Variants in MEGF10 observed in about 807,000 individuals in gnomAD.
MEGF10 encodes the protein multiple epidermal growth factor-like domains protein 10.
MEGF10 carries 86 observed loss-of-function variants against 147.5 expected under a neutral mutation model. That is an observed-to-expected ratio of 0.58 (90% CI 0.49 to 0.70). The LOEUF is 0.70. MEGF10 is among the 30% of genes least tolerant of loss of function. MEGF10 has a pLI of 0.00. For synonymous variants in MEGF10, 478 were observed against 525.5 expected (o/e 0.91, Z 1.24); for missense variants, 1,329 against 1,487.3 (o/e 0.89, Z 1.75).
At chr5:127,370,651 T>C (rs1762812100) in intron 5 of MEGF10, among the ~76,000 whole-genome samples, 1 of 152,242 alleles carries the variant, frequency 6.6e-6, no homozygotes, top group Admixed American at 6.5e-5. Context: ...AAAAGCAGTC[T>C]ACACGTAACA....
chr5:127,360,321 G>T (rs1343049503), intron 4 of MEGF10, among the ~76,000 whole-genome samples: 1 of 151,926 alleles, frequency 6.6e-6, no homozygotes, highest in Admixed American at 6.5e-5. Context: ...TTGAGGTTTT[G>T]CGTAGTGACT....
intron 4 of MEGF10, among the ~76,000 whole-genome samples, chr5:127,364,705 T>C (rs1320107603): frequency 6.6e-6 from 1 of 152,212 alleles, no homozygotes; most frequent in Non-Finnish European, 1.5e-5. Flanking sequence ...GTGGGGAAGA[T>C]AAAGTATATC....
intron 5 of MEGF10, among the ~76,000 whole-genome samples, chr5:127,385,099 C>T (rs1437238407): frequency 6.6e-6 from 1 of 152,100 alleles, no homozygotes; most frequent in Non-Finnish European, 1.5e-5. Flanking sequence ...GTAGAGATAT[C>T]TTCTTGAAAG....
chr5:127,252,666 G>A, the MEGF10 span, among the ~76,000 whole-genome samples: 1 of 151,888 alleles, frequency 6.6e-6, no homozygotes, highest in Non-Finnish European at 1.5e-5. Flanking sequence ...CTGGGGATGG[G>A]TGGGATAGGG....
chr5:127,247,365 G>T, the MEGF10 span, among the ~76,000 whole-genome samples: 4 of 4,006 alleles, frequency 1.0e-3, no homozygotes, highest in Non-Finnish European at 1.5e-3. Context: ...AGAAGAAGAA[G>T]AAGAAGAAGA....
chr5:127,253,082 G>C, the MEGF10 span, among the ~76,000 whole-genome samples: 1 of 152,002 alleles, frequency 6.6e-6, no homozygotes, highest in African/African-American at 2.4e-5. Flanking sequence ...ACGAAGTACT[G>C]TTTCTTCTAA....
At chr5:127,430,948 A>G (rs562771876) in intron 13 of MEGF10, among the ~76,000 whole-genome samples, 1 of 152,336 alleles carries the variant, frequency 6.6e-6, no homozygotes, top group East Asian at 1.9e-4. Flanking sequence ...GCAATTCTAA[A>G]CTAAAAGTTA....
chr5:127,392,967 T>C (rs1763761863), intron 5 of MEGF10, among the ~76,000 whole-genome samples: 1 of 152,240 alleles, frequency 6.6e-6, no homozygotes, highest in Admixed American at 6.5e-5. Context: ...CGGCGGTTAG[T>C]GCAGTTAGAA....
At chr5:127,271,750 G>C in the MEGF10 span, among the ~76,000 whole-genome samples, 13 of 152,210 alleles carry the variant, frequency 8.5e-5, no homozygotes, top group South Asian at 2.7e-3. Flanking sequence ...AGATGTGTTT[G>C]CTTCCACTTC....
rs1468092254 is a variant in MEGF10 at position 127,420,208 on chromosome 5, G to T, written c.1590+1G>T. ...GGAGAAATGCGAACTTCCCTGCCAGGTATGCACAAATCAGCGCCCTGACGG... is the reference window on the plus strand; with the variant it reads ...GGAGAAATGCGAACTTCCCTGCCAGTTATGCACAAATCAGCGCCCTGACGG... On this transcript the variant is annotated splice_donor_variant, in intron 12 of 24. Coordinates refer to ENST00000503335, the MANE Select transcript of MEGF10 (RefSeq NM_001256545.2). LOFTEE classifies it high-confidence loss of function. 2 of 1,613,716 alleles carry T rather than the reference G, an allele frequency of 1.2e-6. No homozygotes were observed. Among genetic ancestry groups the T allele is most frequent in the Admixed American group, 3.3e-5 (2 of 59,966 alleles).
At chr5:127,381,977 G>A (rs1763282178) in intron 5 of MEGF10, among the ~76,000 whole-genome samples, 1 of 152,118 alleles carries the variant, frequency 6.6e-6, no homozygotes, top group Non-Finnish European at 1.5e-5. Flanking sequence ...AGCCTGTTCT[G>A]GTTTATTTTT....
At chr5:127,285,747 T>G in the MEGF10 span, among the ~76,000 whole-genome samples, 15 of 152,116 alleles carry the variant, frequency 9.9e-5, no homozygotes, top group Non-Finnish European at 1.5e-5. Context: ...AGATGAACTA[T>G]TCTTGCTGGC....
chr5:127,392,352 G>A (rs1763736710), intron 5 of MEGF10, among the ~76,000 whole-genome samples: 2 of 152,126 alleles, frequency 1.3e-5, no homozygotes, highest in Admixed American at 1.3e-4. Context: ...CTACTTAACA[G>A]TCCTCTACCC....
chr5:127,402,704 C>T, intron 8 of MEGF10, 22 bp downstream of exon 8: 1 of 1,612,514 alleles, frequency 6.2e-7, no homozygotes, highest in Non-Finnish European at 8.5e-7. Flanking sequence ...CCTTGTATTT[C>T]TCTGACTGTT....
intron 5 of MEGF10, among the ~76,000 whole-genome samples, chr5:127,371,073 CTTGT>C (rs1762828910): frequency 6.6e-6 from 1 of 152,098 alleles, no homozygotes; most frequent in South Asian, 2.1e-4. Context: ...TTGTTTCGGA[CTTGT>C]GATCTCTTGG....
intron 1 of MEGF10, among the ~76,000 whole-genome samples, chr5:127,315,265 A>C (rs1048200941): frequency 9.2e-5 from 14 of 152,242 alleles, no homozygotes; most frequent in African/African-American, 2.9e-4. Flanking sequence ...CTTGATATTA[A>C]TGTTCCAGTT....
the MEGF10 span, among the ~76,000 whole-genome samples, chr5:127,257,154 G>A: frequency 4.6e-5 from 7 of 152,096 alleles, no homozygotes; most frequent in South Asian, 8.3e-4. Flanking sequence ...ATCTCTTGGA[G>A]CTACTTCTTA....
the MEGF10 span, among the ~76,000 whole-genome samples, chr5:127,248,424 T>A: frequency 6.6e-6 from 1 of 152,116 alleles, no homozygotes; most frequent in Non-Finnish European, 1.5e-5. Context: ...TGATTCAGAT[T>A]TTGGAGTTAG....
At chr5:127,273,734 A>T in the MEGF10 span, among the ~76,000 whole-genome samples, 56 of 152,340 alleles carry the variant, frequency 3.7e-4, no homozygotes, top group African/African-American at 2.2e-4. Flanking sequence ...ATTTGAATCT[A>T]TATAGTAGTA....
Sources: allele counts gnomAD v4.1 joint callset (sites outside exome capture counted in the v4.1 genomes callset), GRCh38; gene constraint gnomAD v4.1.1; transcripts MANE v1.5; gene names NCBI Gene and HGNC (gene_info 2026-07-23, HGNC 2026-07-21).